The following KDM3A variants were observed in gnomAD, a reference collection of about 807,000 sequenced individuals.
KDM3A encodes lysine demethylase 3A.
KDM3A carries 60 observed loss-of-function variants against 158.0 expected under a neutral mutation model. The ratio of observed to expected loss-of-function variants is 0.38; its 90% CI spans 0.31 to 0.47. The LOEUF is 0.47. Ranked by LOEUF, KDM3A falls within the 20% of genes least tolerant of loss-of-function variation. KDM3A has a pLI of 0.99. For missense variants in KDM3A, 1,319 were observed against 1,574.3 expected (o/e 0.84, Z 2.74); for synonymous variants, 608 against 549.3 (o/e 1.11, Z -1.49).
chr2:86,488,124 C>T (rs1674274234), intron 21 of KDM3A: 1 of 152,192 alleles, frequency 6.6e-6, no homozygotes. Context: ...TGCTTTTGAA[C>T]TTCATATAAA....
In KDM3A at chr2:86,462,177, T is replaced by A. The variant is rs570457323; in HGVS notation, c.844-1876T>A. Among the ~76,000 whole-genome samples, 10 of 151,556 alleles carry A rather than the reference T, an allele frequency of 6.6e-5. No individual in the cohort carries two copies. The East Asian group carries it at 1.9e-3, about 29-fold the overall frequency. On this transcript the variant is annotated intron_variant, in intron 8 of 25. Coordinates refer to ENST00000312912, the MANE Select transcript of KDM3A (RefSeq NM_018433.6). ...AGGCAAGATTTATTGGTTTATTGATTACATATGGGAAATTAGATGGAGGGT... is the reference window on the plus strand; with the variant it reads ...AGGCAAGATTTATTGGTTTATTGATAACATATGGGAAATTAGATGGAGGGT...
rs896043584 is a variant in KDM3A at position 86,441,895 on chromosome 2, C to G, written c.-30-123C>G. 1.6e-5 allele frequency: 10 copies of G among 616,474 alleles called. No individual in the cohort carries two copies. In the Admixed American group the frequency reaches 1.6e-4, roughly 10 times the overall value. 38.2% of individuals were successfully genotyped at this position (616,474 alleles called of 1,614,324 possible). A position where few individuals can be genotyped will look rare whatever the true frequency, so the allele number is the denominator to read the frequency against. On this transcript the variant is annotated intron_variant, in intron 1 of 25. Coordinates refer to ENST00000312912, the MANE Select transcript of KDM3A (RefSeq NM_018433.6). Reference sequence around the variant, plus strand: ...GAGGGCGCAGGAGGGGGGCTCGGTGCGGGTCCGCCCGGGGCCGCGTCCTCG... The same window carrying G: ...GAGGGCGCAGGAGGGGGGCTCGGTGGGGGTCCGCCCGGGGCCGCGTCCTCG...
chr2:86,466,531 C>T lies in KDM3A; in HGVS notation c.1167C>T (p.Ser389=). The part of the protein sequence containing the change: ...DLKILTEPKG[S]CTQPKTNTDQ... The stretch of plus-strand genomic sequence containing the variant: ...AAATTCTGACTGAGCCAAAAGGCAG[C>T]TGTACTCAGCCTAAGACAAACACTG... Residue 389 remains serine, a synonymous_variant, in exon 10 of 26, where the codon AGC becomes AGT. Coordinates refer to ENST00000312912, the MANE Select transcript of KDM3A (RefSeq NM_018433.6). The T allele has an allele frequency of 6.2e-7, 1 of 1,613,938 alleles. No homozygotes were observed. The highest frequency in any genetic ancestry group is 8.5e-7 in the Non-Finnish European group (1 of 1,179,866).
chr2:86,477,394 T>C (rs1304953259), intron 12 of KDM3A, among the ~76,000 whole-genome samples: 1 of 152,188 alleles, frequency 6.6e-6, no homozygotes, highest in African/African-American at 2.4e-5. Context: ...GGATGTAGGG[T>C]ATCTGAATAA....
intron 2 of KDM3A, among the ~76,000 whole-genome samples, chr2:86,447,304 T>C (rs187364539): frequency 1.3e-3 from 191 of 151,834 alleles, no homozygotes; most frequent in African/African-American, 4.0e-3. Flanking sequence ...TTTTTTTTTT[T>C]CAAATCACTC....
chr2:86,461,569 G>T (rs891709261), intron 8 of KDM3A, among the ~76,000 whole-genome samples: 2 of 152,176 alleles, frequency 1.3e-5, no homozygotes, highest in Admixed American at 6.5e-5. Flanking sequence ...TAAACAGTGT[G>T]TGTCCCATTG....
At chr2:86,476,079 T>C (rs188087358) in intron 12 of KDM3A, among the ~76,000 whole-genome samples, 16 of 152,340 alleles carry the variant, frequency 1.1e-4, no homozygotes, top group Admixed American at 6.5e-4. Context: ...AAGAGTCTTA[T>C]TATACTTTTC....
At chr2:86,482,179 A>T (rs932385144) in intron 17 of KDM3A, 77 bp downstream of exon 17, 3 of 1,470,398 alleles carry the variant, frequency 2.0e-6, no homozygotes, top group Non-Finnish European at 2.8e-6. Context: ...GTTGGAACTG[A>T]AAGTAGAAAG....
chr2:86,489,856 A>C, intron 23 of KDM3A, 197 bp downstream of exon 23: 1 of 485,192 alleles, frequency 2.1e-6, no homozygotes. Context: ...ACTTCTAAAA[A>C]AAGCAGGCCT....
chr2:86,450,632 T>G (rs1198106210), intron 3 of KDM3A, among the ~76,000 whole-genome samples: 1 of 152,138 alleles, frequency 6.6e-6, no homozygotes, highest in African/African-American at 2.4e-5. Flanking sequence ...CTGGATAGTT[T>G]GGAAAGGCCG....
At chr2:86,464,616 G>C (rs1673060009) in intron 9 of KDM3A, among the ~76,000 whole-genome samples, 1 of 152,218 alleles carries the variant, frequency 6.6e-6, no homozygotes, top group Non-Finnish European at 1.5e-5. Flanking sequence ...CCCAAGTATA[G>C]TTGAGAAATT....
chr2:86,442,964 T>C (rs988903197), intron 2 of KDM3A, among the ~76,000 whole-genome samples: 2 of 152,168 alleles, frequency 1.3e-5, no homozygotes, highest in South Asian at 2.1e-4. Flanking sequence ...TAAATCATTA[T>C]GACACTCAGA....
intron 21 of KDM3A, chr2:86,488,193 A>G (rs992770531): frequency 6.6e-6 from 1 of 152,094 alleles, no homozygotes; most frequent in Non-Finnish European, 1.5e-5. Flanking sequence ...TGTTCATTTC[A>G]TTCATTTTAT....
rs1248392660 is a variant in KDM3A at position 86,480,322 on chromosome 2, G to A, written c.2472G>A (p.Leu824=). The A allele has an allele frequency of 6.2e-7, 1 of 1,613,812 alleles. No individual in the cohort carries two copies. The highest frequency in any genetic ancestry group is 8.5e-7 in the Non-Finnish European group (1 of 1,179,848). The change falls in exon 16 of 26, where the codon CTG becomes CTA. Residue 824 remains leucine, a synonymous_variant. Coordinates refer to ENST00000312912, the MANE Select transcript of KDM3A (RefSeq NM_018433.6). ...CCAGCACATCTCCTCTAAACTGGCT[G>A]GCCGACCTAACCAGCGGGAATGTCA... ...CPASTSPLNW[L]ADLTSGNVNK...
At chr2:86,478,413 C>T (rs1020725019) in intron 14 of KDM3A, 148 bp downstream of exon 14, 9 of 843,344 alleles carry the variant, frequency 1.1e-5, no homozygotes, top group African/African-American at 1.7e-5. Flanking sequence ...TCCTCCAACA[C>T]TTTTCGAGTC....
chr2:86,473,357 G>A (rs979496125), intron 11 of KDM3A, among the ~76,000 whole-genome samples: 21 of 152,094 alleles, frequency 1.4e-4, no homozygotes, highest in African/African-American at 5.1e-4. Flanking sequence ...TAGAGACAGG[G>A]TCTTGTTGTG....
At chr2:86,477,415 A>G (rs1673709222) in intron 12 of KDM3A, among the ~76,000 whole-genome samples, 2 of 152,198 alleles carry the variant, frequency 1.3e-5, no homozygotes, top group Non-Finnish European at 2.9e-5. Flanking sequence ...CCTGATACTC[A>G]GTGCAGATTA....
chr2:86,447,395 A>G (rs1344961590), intron 2 of KDM3A, among the ~76,000 whole-genome samples: 1 of 151,030 alleles, frequency 6.6e-6, no homozygotes, highest in Non-Finnish European at 1.5e-5. Flanking sequence ...TCTGGTAAGA[A>G]CTGTGATGTT....
chr2:86,439,196 T>A (rs1682550068), upstream of KDM3A, among the ~76,000 whole-genome samples: 1 of 152,094 alleles, frequency 6.6e-6, no homozygotes, highest in Non-Finnish European at 1.5e-5. Flanking sequence ...GTGTTCAATG[T>A]GACTGCATGC....
Sources: gnomAD v4.1 joint callset for allele counts (sites outside exome capture counted in the v4.1 genomes callset) on GRCh38, gnomAD v4.1.1 for gene constraint, MANE v1.5 for transcripts, NCBI Gene and HGNC (gene_info 2026-07-23, HGNC 2026-07-21) for gene names.